The following FAM204A variants were observed in gnomAD, a reference collection of about 807,000 sequenced individuals.
FAM204A encodes the protein family with sequence similarity 204 member A.
FAM204A carries 16 observed loss-of-function variants against 35.4 expected under a neutral mutation model. The observed-to-expected ratio is 0.45, with a 90% confidence interval of 0.31 to 0.69. FAM204A has a LOEUF of 0.69. FAM204A is among the 30% of genes least tolerant of loss of function. FAM204A has a pLI of 0.07. For missense variants in FAM204A, 240 were observed against 265.7 expected (o/e 0.90, Z 0.67); for synonymous variants, 76 against 86.9 (o/e 0.88, Z 0.70).
intron 7 of FAM204A, among the ~76,000 whole-genome samples, chr10:118,312,466 T>C (rs1341530480): frequency 2.0e-5 from 3 of 152,196 alleles, no homozygotes; most frequent in Non-Finnish European, 2.9e-5. Flanking sequence ...TTTGGCACGC[T>C]TGACATGTCT....
chr10:118,333,183 G>GA (rs1219885821), intron 6 of FAM204A, among the ~76,000 whole-genome samples: 2 of 151,678 alleles, frequency 1.3e-5, no homozygotes, highest in Non-Finnish European at 2.9e-5. Context: ...AAAAGGGGAG[G>GA]AAAAAAAAGA....
At chr10:118,326,432 G>A (rs1359188217) in intron 6 of FAM204A, 189 bp from the exon 7 acceptor site, 2 of 542,444 alleles carry the variant, frequency 3.7e-6, no homozygotes, top group Non-Finnish European at 6.4e-6. Context: ...GCTTACCTGA[G>A]GTCATGTAAC....
At chr10:118,322,168 C>T in intron 7 of FAM204A, 1 of 231,674 alleles carries the variant, frequency 4.3e-6, no homozygotes, top group South Asian at 5.1e-5. Context: ...CAGCAGTGGA[C>T]ACTAAAACAA....
chr10:118,321,482 A>T lies in FAM204A; in HGVS notation c.543+4672T>A, dbSNP rs191392631. Among the ~76,000 whole-genome samples, 340 of 152,120 alleles carry T rather than the reference A, an allele frequency of 2.2e-3. 5 individuals are homozygous for T. The highest frequency in any genetic ancestry group is 4.5e-3 in the East Asian group (23 of 5,160). On this transcript the variant is annotated intron_variant, in intron 7 of 8. Coordinates refer to ENST00000369183, the MANE Select transcript of FAM204A (RefSeq NM_022063.3). Reference sequence around the variant, plus strand: ...CAGGGCCTAAATTATTTTTCTTTTAATCAGAATGCTATAATCCCACATTAA... The same window carrying T: ...CAGGGCCTAAATTATTTTTCTTTTATTCAGAATGCTATAATCCCACATTAA...
intron 5 of FAM204A, 52 bp downstream of exon 5, chr10:118,335,344 C>A: frequency 6.4e-7 from 1 of 1,571,992 alleles, no homozygotes; most frequent in South Asian, 1.2e-5. Context: ...ACAATTAGTT[C>A]AACAATTTCT....
At chr10:118,312,865 G>A (rs1239201071) in intron 7 of FAM204A, among the ~76,000 whole-genome samples, 2 of 152,210 alleles carry the variant, frequency 1.3e-5, no homozygotes, top group Non-Finnish European at 1.5e-5. Context: ...TGGAGGTAGA[G>A]CATTGAGTGA....
At chr10:118,333,889 T>C (rs1846330813) in intron 6 of FAM204A, among the ~76,000 whole-genome samples, 1 of 152,028 alleles carries the variant, frequency 6.6e-6, no homozygotes, top group Admixed American at 6.5e-5. Flanking sequence ...TTAGAAGAAA[T>C]ACAGATGGAT....
Position 118,336,235 on chromosome 10 carries a change from T to A in FAM204A, c.181A>T (p.Asn61Tyr). 1 of 1,613,942 alleles carries A rather than the reference T, an allele frequency of 6.2e-7. No individual in the cohort carries two copies. The highest frequency in any genetic ancestry group is 2.2e-5 in the East Asian group (1 of 44,872). Residue 61 changes from asparagine to tyrosine, a missense_variant, in exon 3 of 9, where the codon AAT becomes TAT. Physicochemically the swap from Asn to Tyr is moderately radical, Grantham distance 143. This residue lies in a region of FAM204A where 232 missense variants were observed against 242.8 expected (regional missense o/e 0.96). Coordinates refer to ENST00000369183, the MANE Select transcript of FAM204A (RefSeq NM_022063.3). ...GGACACTCTTCATAGGCATTTACAT[T>A]TGACTCTGTTTCAGTTTTTGGTTCA... ...TDEPKTETES[N>Y]VNAYEECPSG...
rs1846387417 is a variant in FAM204A, at chr10:118,336,380, T to A, written c.36A>T (p.Glu12Asp). The A allele has an allele frequency of 6.2e-7, 1 of 1,613,672 alleles. No homozygotes were observed. Among genetic ancestry groups the A allele is most frequent in the Non-Finnish European group, 8.5e-7 (1 of 1,179,794 alleles). ...WSGLLPPGLN[E>D]SDAESNSEDE... ...CTTCCGAGTTTGACTCAGCGTCACT[T>A]TCATTTAGGCCAGGAGGTAGCAGCC... Residue 12 changes from glutamate (E) to aspartate (D), a missense_variant, in exon 3 of 9, where the codon GAA becomes GAT. Transcript: ENST00000369183.
At position 118,326,066 on chromosome 10, in the gene FAM204A, T is replaced by A. The variant is rs968615432; in HGVS notation, c.543+88A>T. 3 of 969,460 alleles carry A rather than the reference T, an allele frequency of 3.1e-6. No homozygotes were observed. The African/African-American group carries it at 5.0e-5, about 16-fold the overall frequency. The allele number at this position is 969,460 out of a possible 1,614,324, so 60.1% of individuals were successfully genotyped here. On this transcript the variant is annotated intron_variant, in intron 7 of 8. Coordinates refer to ENST00000369183, the MANE Select transcript of FAM204A (RefSeq NM_022063.3). ...GAAAACCTCAGATGAAATATTTTAA[T>A]ACTGAACTTATTAATGATCATAAAA...
chr10:118,333,361 C>T (rs575843748), intron 6 of FAM204A, among the ~76,000 whole-genome samples: 2 of 152,346 alleles, frequency 1.3e-5, no homozygotes, highest in Admixed American at 6.5e-5. Context: ...AACTGCATCA[C>T]AGATTTTCAA....
chr10:118,314,974 A>G (rs1846008855), intron 7 of FAM204A, among the ~76,000 whole-genome samples: 1 of 152,128 alleles, frequency 6.6e-6, no homozygotes, highest in Admixed American at 6.6e-5. Context: ...GGATATATTA[A>G]AAGCCATAAA....
At position 118,304,589 on chromosome 10, in the gene FAM204A, T is replaced by C. The variant is rs546748233; in HGVS notation, c.*6268A>G. 2.6e-5 allele frequency: 4 copies of C among 152,504 alleles called. No homozygotes were observed. Among genetic ancestry groups the C allele is most frequent in the African/African-American group, 9.6e-5 (4 of 41,550 alleles). The allele number at this position is 152,504 out of a possible 1,614,324, so 9.4% of individuals were successfully genotyped here. A position where few individuals can be genotyped will look rare whatever the true frequency, so the allele number is the denominator to read the frequency against. ...GCTAAAGTCCTTGCTGTACCTCAAA[T>C]GTGCCACGCCGTTCCTTCTACCTAG... is the stretch of plus-strand genomic sequence containing the variant. On this transcript the variant is annotated 3_prime_UTR_variant, in exon 9 of 9. Transcript: ENST00000369183.
rs1002058284 is a variant in FAM204A at position 118,304,872 on chromosome 10, A to G, written c.*5985T>C. ...CATCAGCAAAATGTAAAGTTACTAC[A>G]TCGTATGTGATTGAGGCAATGTGGC... is the stretch of plus-strand genomic sequence containing the variant. On this transcript the variant is annotated 3_prime_UTR_variant, in exon 9 of 9. Transcript: ENST00000369183. The G allele has an allele frequency of 6.6e-6, 1 of 152,240 alleles. No individual in the cohort carries two copies. The highest frequency in any genetic ancestry group is 2.4e-5 in the African/African-American group (1 of 41,456). 9.4% of individuals were successfully genotyped at this position (152,240 alleles called of 1,614,324 possible). A position where few individuals can be genotyped will look rare whatever the true frequency, so the allele number is the denominator to read the frequency against.
chr10:118,330,938 C>T (rs1846278596), intron 6 of FAM204A, among the ~76,000 whole-genome samples: 1 of 152,204 alleles, frequency 6.6e-6, no homozygotes, highest in South Asian at 2.1e-4. Flanking sequence ...ACCACATTCT[C>T]TGCAAGATTA....
At chr10:118,311,623 T>C (rs1048227272) in intron 7 of FAM204A, 1 of 228,922 alleles carries the variant, frequency 4.4e-6, no homozygotes, top group African/African-American at 2.3e-5. Context: ...TGCAGTAGGC[T>C]GAACAGGAAT....
intron 6 of FAM204A, among the ~76,000 whole-genome samples, chr10:118,331,292 G>A (rs1589728095): frequency 1.3e-5 from 2 of 152,108 alleles, no homozygotes; most frequent in African/African-American, 2.4e-5. Context: ...AGGCACAGAG[G>A]AGCTACTGAT....
At chr10:118,316,347 T>A (rs1460665535) in intron 7 of FAM204A, among the ~76,000 whole-genome samples, 1 of 152,170 alleles carries the variant, frequency 6.6e-6, no homozygotes, top group Non-Finnish European at 1.5e-5. Context: ...ATATATTATG[T>A]GCTCTAGTAA....
At position 118,298,228 on chromosome 10, in the gene FAM204A, G is replaced by GC. The variant is rs1845770836; in HGVS notation, c.*12628dup. 6.6e-6 allele frequency: 1 copy of GC among 152,160 alleles called. No homozygotes were observed. The highest frequency in any genetic ancestry group is 1.5e-5 in the Non-Finnish European group (1 of 68,052). The allele number at this position is 152,160 out of a possible 1,614,324, so 9.4% of individuals were successfully genotyped here. A position where few individuals can be genotyped will look rare whatever the true frequency, so the allele number is the denominator to read the frequency against. ...TTTCCTTGAATCTCTTCCTAGACAG[G>GC]CCCCCTGAGCCAGACAGGAAATCCA... On this transcript the variant is annotated 3_prime_UTR_variant, in exon 9 of 9. Transcript: ENST00000369183.
Sources: allele counts gnomAD v4.1 joint callset (sites outside exome capture counted in the v4.1 genomes callset), GRCh38; gene constraint gnomAD v4.1.1; regional missense constraint gnomAD v4.1.1; transcripts MANE v1.5; gene names NCBI Gene and HGNC (gene_info 2026-07-23, HGNC 2026-07-21).